Variants in ITGAD observed in about 807,000 individuals in gnomAD.
The protein encoded by ITGAD is integrin alpha-D.
In ITGAD, 105 loss-of-function variants were observed where a neutral mutation model predicts 139.0. That is an observed-to-expected ratio of 0.76 (90% CI 0.65 to 0.89). The LOEUF (loss-of-function observed/expected upper bound fraction) is 0.89, where lower values mean the gene tolerates loss of function less well. ITGAD is among the 40% of genes least tolerant of loss of function. ITGAD has a pLI of 0.00. For missense variants in ITGAD, 1,384 were observed against 1,487.3 expected (o/e 0.93, Z 1.14); for synonymous variants, 569 against 598.3 (o/e 0.95, Z 0.71).
In ITGAD at chr16:31,397,555, G is replaced by C. The variant is rs975673541; in HGVS notation, c.242-41G>C. The C allele has an allele frequency of 5.6e-6, 9 of 1,603,298 alleles. No homozygotes were observed. In the Admixed American group the frequency reaches 1.3e-4, roughly 24 times the overall value. On this transcript the variant is annotated intron_variant, in intron 3 of 29. Coordinates refer to ENST00000389202, the MANE Select transcript of ITGAD (RefSeq NM_005353.3). ...CAGTCCAGACCTTCCCCGCAAATGA[G>C]TGTGTGCTGTGAGTGAGACCCCGCG...
chr16:31,421,884 T>C (rs1348336254), intron 23 of ITGAD, among the ~76,000 whole-genome samples: 1 of 152,192 alleles, frequency 6.6e-6, no homozygotes, highest in African/African-American at 2.4e-5. Context: ...GTGGCTGGTC[T>C]GGCTGCTGCA....
chr16:31,401,034 G>A (rs2142637005), intron 5 of ITGAD, among the ~76,000 whole-genome samples: 1 of 152,234 alleles, frequency 6.6e-6, no homozygotes, highest in Admixed American at 6.5e-5. Flanking sequence ...CGAGGTGAGT[G>A]GATCGTTAGA....
intron 2 of ITGAD, among the ~76,000 whole-genome samples, chr16:31,395,317 C>CAA (rs59637215): frequency 0.014 from 2,107 of 145,522 alleles, 57 homozygotes; most frequent in African/African-American, 0.05. Context: ...GAGACTCCGT[C>CAA]AAAAAAAAAA....
intron 20 of ITGAD, among the ~76,000 whole-genome samples, chr16:31,417,017 C>T (rs1486761317): frequency 1.9e-5 from 2 of 102,702 alleles, no homozygotes; most frequent in Non-Finnish European, 3.9e-5. Context: ...CCCCCTCCCT[C>T]CCTCCCTTAC....
intron 14 of ITGAD, 87 bp from the exon 15 acceptor site, chr16:31,412,751 C>T (rs2081762419): frequency 6.4e-7 from 1 of 1,551,854 alleles, no homozygotes; most frequent in Non-Finnish European, 8.8e-7. Context: ...CCTTTGCCAC[C>T]ATCCTACCTC....
chr16:31,406,122 T>A (rs1597124729), intron 7 of ITGAD, among the ~76,000 whole-genome samples: 1 of 152,236 alleles, frequency 6.6e-6, no homozygotes, highest in East Asian at 1.9e-4. Flanking sequence ...TCGCCCAGGC[T>A]GGAGTGCAAC....
chr16:31,403,293 G>A lies in ITGAD; in HGVS notation c.559-207G>A. 1.8e-6 allele frequency: 1 copy of A among 554,580 alleles called. No homozygotes were observed. The highest frequency in any genetic ancestry group is 3.2e-6 in the Non-Finnish European group (1 of 316,124). The allele number at this position is 554,580 out of a possible 1,614,324, so 34.4% of individuals were successfully genotyped here. A position where few individuals can be genotyped will look rare whatever the true frequency, so the allele number is the denominator to read the frequency against. ...GTTCGAGACCAGCCTGGGCAACATA[G>A]TGAGACCTTGTCTCTACCAAAAACA... On this transcript the variant is annotated intron_variant, in intron 6 of 29. Coordinates refer to ENST00000389202, the MANE Select transcript of ITGAD (RefSeq NM_005353.3). This position sits in a 1 kb window ranked among gnomAD's most constrained non-coding sequence, Gnocchi z 4.4.
At chr16:31,424,601 T>A in intron 29 of ITGAD, 24 bp downstream of exon 29, 1 of 1,442,310 alleles carries the variant, frequency 6.9e-7, no homozygotes, top group Non-Finnish European at 9.4e-7. Flanking sequence ...CCAACTCTTT[T>A]TTTTTTTTTT....
intron 5 of ITGAD, among the ~76,000 whole-genome samples, chr16:31,400,979 G>T (rs926362627): frequency 6.6e-6 from 1 of 152,138 alleles, no homozygotes; most frequent in Non-Finnish European, 1.5e-5. Context: ...GAGGCCCAAG[G>T]TCAGCACTGG....
In ITGAD at chr16:31,394,345, G is replaced by A. The variant is rs746238119; in HGVS notation, c.137+4G>A. The A allele has an allele frequency of 2.5e-6, 4 of 1,607,906 alleles. No individual in the cohort carries two copies. In the South Asian group the frequency reaches 3.3e-5, roughly 13 times the overall value. ...TGGTGCAGTTCGGTGGATCTCGGTA[G>A]GCCCCACTCACCCTCCTTCCCCAAC... is the stretch of plus-strand genomic sequence containing the variant. On this transcript the variant is annotated splice_donor_region_variant and intron_variant, in intron 2 of 29. Coordinates refer to ENST00000389202, the MANE Select transcript of ITGAD (RefSeq NM_005353.3).
At chr16:31,422,050 C>T (rs2082017359) in intron 23 of ITGAD, among the ~76,000 whole-genome samples, 1 of 152,004 alleles carries the variant, frequency 6.6e-6, no homozygotes, top group Middle Eastern at 3.2e-3. Flanking sequence ...CCTGCCTCAG[C>T]CTCCTGAGTA....
chr16:31,405,444 A>C (rs1423603296), intron 7 of ITGAD, among the ~76,000 whole-genome samples: 1 of 152,216 alleles, frequency 6.6e-6, no homozygotes, highest in Non-Finnish European at 1.5e-5. Flanking sequence ...CCCTCTAGTC[A>C]ACCGCCCTAC....
At chr16:31,406,678 C>T (rs1308762710) in intron 7 of ITGAD, among the ~76,000 whole-genome samples, 4 of 152,142 alleles carry the variant, frequency 2.6e-5, no homozygotes, top group East Asian at 3.9e-4. Context: ...CTTCTCTCAT[C>T]GTGGCTCAGG....
In ITGAD at chr16:31,426,346, C is replaced by T. The variant is rs1407793790; in HGVS notation, c.*218C>T. 6.1e-6 allele frequency: 3 copies of T among 493,662 alleles called. No individual in the cohort carries two copies. The highest frequency in any genetic ancestry group is 3.9e-5 in the African/African-American group (2 of 51,424). 30.6% of individuals were successfully genotyped at this position (493,662 alleles called of 1,614,324 possible). A position where few individuals can be genotyped will look rare whatever the true frequency, so the allele number is the denominator to read the frequency against. On this transcript the variant is annotated 3_prime_UTR_variant, in exon 30 of 30. Coordinates refer to ENST00000389202, the MANE Select transcript of ITGAD (RefSeq NM_005353.3). ...CTTTTTACAGAAGCAGGCATGGTGCCAGCATAAATTTTCATATGCTTAAGA... is the reference window on the plus strand; with the variant it reads ...CTTTTTACAGAAGCAGGCATGGTGCTAGCATAAATTTTCATATGCTTAAGA...
intron 7 of ITGAD, among the ~76,000 whole-genome samples, chr16:31,406,757 C>T (rs531779993): frequency 1.3e-3 from 203 of 152,300 alleles, no homozygotes; most frequent in Non-Finnish European, 2.3e-3. Flanking sequence ...GTGTCACTTC[C>T]ACCGCACGTT....
In ITGAD at chr16:31,416,255, G is replaced by A. The variant is rs2081883450; in HGVS notation, c.2326G>A (p.Gly776Arg). 6.2e-7 allele frequency: 1 copy of A among 1,605,412 alleles called. No homozygotes were observed. Among genetic ancestry groups the A allele is most frequent in the Non-Finnish European group, 8.5e-7 (1 of 1,175,144 alleles). ...KNCGQDGLCE[G>R]DLGVTLSFSG... ...CTGTGGGCAAGATGGCCTCTGTGAA[G>A]GGGACCTGGGTGTCACCCTCAGCTT... is the stretch of plus-strand genomic sequence containing the variant. The change falls in exon 19 of 30, where the codon GGG (glycine) becomes AGG (arginine). Residue 776 changes from glycine to arginine, a missense_variant. Coordinates refer to ENST00000389202, the MANE Select transcript of ITGAD (RefSeq NM_005353.3).
chr16:31,398,403 G>T (rs1180507717), intron 5 of ITGAD, among the ~76,000 whole-genome samples: 1 of 150,972 alleles, frequency 6.6e-6, no homozygotes, highest in Non-Finnish European at 1.5e-5. Context: ...CTCCAGCCTG[G>T]GTGACAAGAG....
Position 31,414,848 on chromosome 16 carries a change from G to C in ITGAD, c.2152-12G>C. The C allele has an allele frequency of 6.2e-7, 1 of 1,613,546 alleles. No homozygotes were observed. On this transcript the variant is annotated splice_polypyrimidine_tract_variant and intron_variant, in intron 17 of 29. Coordinates refer to ENST00000389202, the MANE Select transcript of ITGAD (RefSeq NM_005353.3). ...GAGGACAGCAGGTTCTTGAAAGCCT[G>C]TTCTCTCTCAGGATTGTGTGGAGGA...
intron 10 of ITGAD, among the ~76,000 whole-genome samples, chr16:31,410,183 A>G (rs1191848932): frequency 6.6e-6 from 1 of 152,134 alleles, no homozygotes; most frequent in Admixed American, 6.6e-5. Flanking sequence ...TGGTGAGCAC[A>G]GCGGGGGCAG....
Sources: gnomAD v4.1 joint callset for allele counts (sites outside exome capture counted in the v4.1 genomes callset) on GRCh38, gnomAD v4.1.1 for gene constraint, Gnocchi (gnomAD v3.1) non-coding constraint, MANE v1.5 for transcripts, NCBI Gene and HGNC (gene_info 2026-07-23, HGNC 2026-07-21) for gene names.